Variants in XKR4 observed in about 807,000 individuals in gnomAD.
XKR4 encodes XK-related protein 4.
XKR4 carries 12 observed loss-of-function variants against 53.9 expected under a neutral mutation model. That is an observed-to-expected ratio of 0.22 (90% CI 0.14 to 0.36). The LOEUF is 0.36. Among genes scored for constraint, XKR4 ranks in the 10% least tolerant of loss-of-function variants. The pLI, the probability that XKR4 is intolerant of heterozygous loss-of-function variation, is 1.00. For synonymous variants in XKR4, 354 were observed against 362.4 expected (o/e 0.98, Z 0.26); for missense variants, 799 against 859.5 (o/e 0.93, Z 0.88).
chr8:55,492,329 G>A (rs1806283767), intron 2 of XKR4, among the ~76,000 whole-genome samples: 1 of 152,158 alleles, frequency 6.6e-6, no homozygotes, highest in Non-Finnish European at 1.5e-5. Context: ...GGGCCAGATT[G>A]TCTCAAAAAT....
chr8:55,472,115 C>T lies in XKR4; in HGVS notation c.1007-51166C>T, dbSNP rs147131176. ...TGAGTTTGAATTCCTAAGGGACATT[C>T]GAGTATCATGATCCTGTTCAGTGTC... On this transcript the variant is annotated intron_variant, in intron 2 of 2. Coordinates refer to ENST00000327381, the MANE Select transcript of XKR4 (RefSeq NM_052898.2). 4.2e-3 allele frequency among the ~76,000 whole-genome samples: 637 copies of T among 152,118 alleles called. 5 individuals carry two copies. Among genetic ancestry groups the T allele is most frequent in the African/African-American group, 0.014 (583 of 41,472 alleles).
At chr8:55,313,986 C>G (rs1284490438) in intron 1 of XKR4, among the ~76,000 whole-genome samples, 1 of 152,130 alleles carries the variant, frequency 6.6e-6, no homozygotes, top group African/African-American at 2.4e-5. Context: ...TCACAGCTAC[C>G]AATAATAATG....
At chr8:55,350,738 CTT>C (rs1028164969) in intron 1 of XKR4, among the ~76,000 whole-genome samples, 50 of 122,420 alleles carry the variant, frequency 4.1e-4, no homozygotes, top group African/African-American at 8.6e-4. Context: ...TTTTTCTTTT[CTT>C]TTTTTTTTTT....
At chr8:55,374,597 G>C (rs1377178418) in intron 2 of XKR4, among the ~76,000 whole-genome samples, 1 of 152,132 alleles carries the variant, frequency 6.6e-6, no homozygotes. Flanking sequence ...AGAGAGAGGT[G>C]GGTGTATTGG....
chr8:55,409,201 G>A (rs1409944426), intron 2 of XKR4, among the ~76,000 whole-genome samples: 1 of 152,164 alleles, frequency 6.6e-6, no homozygotes, highest in Non-Finnish European at 1.5e-5. Context: ...ACCCTGTGTT[G>A]GAGAGGCGTT....
chr8:55,289,589 AAG>A (rs1298898829), intron 1 of XKR4, among the ~76,000 whole-genome samples: 1,534 of 72,644 alleles, frequency 0.021, 25 homozygotes, highest in South Asian at 0.043. Flanking sequence ...GGAAGAAAGA[AAG>A]AGAAAGAAAG....
intron 2 of XKR4, among the ~76,000 whole-genome samples, chr8:55,381,690 GT>G (rs1804235465): frequency 1.3e-5 from 2 of 152,104 alleles, no homozygotes; most frequent in African/African-American, 4.8e-5. Context: ...ATGGACCGAC[GT>G]GCTGTTCTCC....
chr8:55,197,490 T>C (rs1470821117), intron 1 of XKR4, among the ~76,000 whole-genome samples: 2 of 152,216 alleles, frequency 1.3e-5, no homozygotes, highest in Non-Finnish European at 2.9e-5. Context: ...ATGAGCTTTC[T>C]ATTTTAAACT....
chr8:55,494,066 A>G (rs1021542415), intron 2 of XKR4, among the ~76,000 whole-genome samples: 3 of 152,242 alleles, frequency 2.0e-5, no homozygotes, highest in Non-Finnish European at 4.4e-5. Context: ...CTACTGGCCT[A>G]GATCCCACGC....
At chr8:55,192,158 A>G in intron 1 of XKR4, among the ~76,000 whole-genome samples, 1 of 149,710 alleles carries the variant, frequency 6.7e-6, no homozygotes, top group South Asian at 2.1e-4. Context: ...GTCACTTCTG[A>G]CTATAATGGT....
intron 1 of XKR4, among the ~76,000 whole-genome samples, chr8:55,324,031 C>T (rs1053938427): frequency 3.9e-5 from 6 of 152,126 alleles, no homozygotes; most frequent in African/African-American, 1.4e-4. Context: ...TTATATAGTA[C>T]AGTTATAATA....
chr8:55,425,134 AAT>A (rs1804993693), intron 2 of XKR4, among the ~76,000 whole-genome samples: 2 of 152,132 alleles, frequency 1.3e-5, no homozygotes, highest in African/African-American at 4.8e-5. Flanking sequence ...GGCCCTCAAT[AAT>A]AGAGTCACAT....
chr8:55,356,385 A>G (rs1293662336), intron 1 of XKR4, among the ~76,000 whole-genome samples: 1 of 152,216 alleles, frequency 6.6e-6, no homozygotes, highest in Non-Finnish European at 1.5e-5. Flanking sequence ...CACCATGCAA[A>G]TACAATCATT....
chr8:55,227,723 G>A (rs780277727), intron 1 of XKR4, among the ~76,000 whole-genome samples: 8 of 152,174 alleles, frequency 5.3e-5, no homozygotes, highest in Non-Finnish European at 1.2e-4. Flanking sequence ...TAGAGGAAAG[G>A]GGTGCAAGTG....
intron 2 of XKR4, among the ~76,000 whole-genome samples, chr8:55,422,554 G>A (rs1804949820): frequency 6.6e-6 from 1 of 152,232 alleles, no homozygotes; most frequent in Non-Finnish European, 1.5e-5. Flanking sequence ...AGTGAGGCAG[G>A]AAAGCAGAAC....
At chr8:55,492,370 T>A (rs998036665) in intron 2 of XKR4, among the ~76,000 whole-genome samples, 6 of 152,264 alleles carry the variant, frequency 3.9e-5, no homozygotes, top group Non-Finnish European at 8.8e-5. Flanking sequence ...AATATGTATA[T>A]GTTTCTTCTT....
chr8:55,205,780 T>C (rs1457340402), intron 1 of XKR4, among the ~76,000 whole-genome samples: 1 of 152,220 alleles, frequency 6.6e-6, no homozygotes, highest in African/African-American at 2.4e-5. Flanking sequence ...CCATATGGTC[T>C]TACTGTGTCC....
chr8:55,266,108 T>C (rs558626887), intron 1 of XKR4, among the ~76,000 whole-genome samples: 1 of 151,930 alleles, frequency 6.6e-6, no homozygotes, highest in East Asian at 1.9e-4. Context: ...CAGTGAGCTA[T>C]GATTGTGTCA....
At chr8:55,354,798 C>T (rs1342256016) in intron 1 of XKR4, among the ~76,000 whole-genome samples, 1 of 149,632 alleles carries the variant, frequency 6.7e-6, no homozygotes, top group Non-Finnish European at 1.5e-5. Flanking sequence ...ATTGTAAAAG[C>T]TATGAAGAAC....
Sources: gnomAD v4.1 joint callset for allele counts (sites outside exome capture counted in the v4.1 genomes callset) on GRCh38, gnomAD v4.1.1 for gene constraint, MANE v1.5 for transcripts, NCBI Gene and HGNC (gene_info 2026-07-23, HGNC 2026-07-21) for gene names.